The following TENM2 variants were observed in gnomAD, a reference collection of about 807,000 sequenced individuals.
TENM2 encodes teneurin-2.
Under a neutral mutation model 245.2 loss-of-function variants are expected in TENM2, and 52 were observed. The ratio of observed to expected loss-of-function variants is 0.21; its 90% CI spans 0.17 to 0.27. TENM2 has a LOEUF of 0.27. TENM2 is among the 10% of genes least tolerant of loss of function. The probability of loss-of-function intolerance (pLI) is 1.00; values close to 1 mark genes in which losing one functional copy is unlikely to be tolerated. For missense variants in TENM2, 3,046 were observed against 3,666.8 expected, an observed-to-expected ratio of 0.83 and a Z score of 4.37; for synonymous variants, 1,363 against 1,438.9, an observed-to-expected ratio of 0.95 and a Z score of 1.19.
intron 3 of TENM2, among the ~76,000 whole-genome samples, chr5:167,919,271 G>A (rs1167945720): frequency 6.6e-6 from 1 of 152,148 alleles, no homozygotes; most frequent in Non-Finnish European, 1.5e-5. Flanking sequence ...CGCCTACAGA[G>A]GTTGTGCTGT....
intron 2 of TENM2, among the ~76,000 whole-genome samples, chr5:167,400,670 C>T (rs1240436817): frequency 1.3e-5 from 2 of 152,078 alleles, no homozygotes; most frequent in Non-Finnish European, 1.5e-5. Flanking sequence ...GCCAAGGACA[C>T]GACCCTAGAA....
chr5:167,181,096 G>A, the TENM2 span, among the ~76,000 whole-genome samples: 208 of 151,990 alleles, frequency 1.4e-3, no homozygotes, highest in Middle Eastern at 3.4e-3. Flanking sequence ...AAGCAGAATA[G>A]CACAGAGATG....
At chr5:167,423,532 G>A (rs74941028) in intron 2 of TENM2, among the ~76,000 whole-genome samples, 11 of 152,300 alleles carry the variant, frequency 7.2e-5, no homozygotes, top group African/African-American at 1.2e-4. Context: ...TAGGGAAAGA[G>A]ACATTGAAGG....
Position 168,218,981 on chromosome 5 carries a change from G to A in TENM2, c.5090G>A (p.Gly1697Glu), listed in dbSNP as rs768600445. 1 of 1,613,352 alleles carries A rather than the reference G, an allele frequency of 6.2e-7. No homozygotes were observed. Among genetic ancestry groups the A allele is most frequent in the South Asian group, 1.1e-5 (1 of 91,044 alleles). ...CTGGCCACCAAGAGCGATGAAACAG[G>A]ATGGACGACTTTCTATGAGTAAGTG... The change falls in exon 23 of 29, where the codon GGA becomes GAA. Residue 1697 changes from glycine (G) to glutamate (E), a missense_variant. Gly to Glu is a moderately conservative substitution (Grantham distance 98, BLOSUM62 -2). Around this residue, in one of 2 missense-constraint regions of TENM2, gnomAD observed 2,704 missense variants for 3,331.9 expected, o/e 0.81. Transcript: ENST00000518659. This position sits in a 1 kb window ranked among gnomAD's most constrained non-coding sequence, Gnocchi z 5.2.
intron 2 of TENM2, among the ~76,000 whole-genome samples, chr5:167,832,735 A>C (rs1467794885): frequency 6.6e-6 from 1 of 152,066 alleles, no homozygotes; most frequent in Non-Finnish European, 1.5e-5. Flanking sequence ...AGAAGAAAGA[A>C]ATATATGTAG....
intron 2 of TENM2, among the ~76,000 whole-genome samples, chr5:167,713,912 A>G (rs1466748578): frequency 6.6e-6 from 1 of 152,324 alleles, no homozygotes; most frequent in Non-Finnish European, 1.5e-5. Context: ...ATCATTGTTC[A>G]GAATATGCTA....
the TENM2 span, among the ~76,000 whole-genome samples, chr5:167,254,067 C>T: frequency 4.0e-5 from 6 of 151,376 alleles, no homozygotes; most frequent in Non-Finnish European, 7.4e-5. Context: ...GCTTGGCTGA[C>T]GTATAGGAAA....
At chr5:167,901,226 A>G (rs911768188) in intron 3 of TENM2, among the ~76,000 whole-genome samples, 1 of 152,014 alleles carries the variant, frequency 6.6e-6, no homozygotes, top group Admixed American at 6.6e-5. Context: ...GTTTATCTTA[A>G]TAGGTCCTGA....
the TENM2 span, among the ~76,000 whole-genome samples, chr5:167,180,814 T>C: frequency 6.6e-6 from 1 of 151,942 alleles, no homozygotes; most frequent in Non-Finnish European, 1.5e-5. Flanking sequence ...TTCATCCTGG[T>C]CATCTTCAAG....
rs764906677 is a variant in TENM2 at position 168,226,134 on chromosome 5, G to T, written c.5155G>T (p.Val1719Leu). The stretch of plus-strand genomic sequence containing the variant: ...GACCAACGTGACGCGCCCCACGGGG[G>T]TGGTAACCAGTCTGCACCGGGAAAT... The change falls in exon 24 of 29, where the codon GTG (valine) becomes TTG (leucine). Residue 1719 changes from valine to leucine, a missense_variant. This residue lies in a region of TENM2 where 2,704 missense variants were observed against 3,331.9 expected (regional missense o/e 0.81). Coordinates refer to ENST00000518659, the Ensembl canonical transcript of TENM2. 6 of 1,613,774 alleles carry T rather than the reference G, an allele frequency of 3.7e-6. No individual in the cohort carries two copies. The East Asian group carries it at 6.7e-5, about 18-fold the overall frequency.
chr5:168,187,158 C>T (rs1471322496), intron 13 of TENM2: 1 of 152,152 alleles, frequency 6.6e-6, no homozygotes, highest in Non-Finnish European at 1.5e-5. Flanking sequence ...TGGCATTTGT[C>T]ATCTGCTATT....
At chr5:167,201,366 C>A in the TENM2 span, among the ~76,000 whole-genome samples, 1 of 152,196 alleles carries the variant, frequency 6.6e-6, no homozygotes, top group Non-Finnish European at 1.5e-5. Context: ...AGGAAAAGTC[C>A]AACTTTAATG....
At chr5:167,479,095 C>G (rs925239175) in intron 2 of TENM2, among the ~76,000 whole-genome samples, 6 of 152,012 alleles carry the variant, frequency 3.9e-5, no homozygotes, top group African/African-American at 1.2e-4. Flanking sequence ...TAGATATAAG[C>G]AGAAACAAAC....
chr5:167,921,864 C>A (rs762205000), intron 3 of TENM2, among the ~76,000 whole-genome samples: 2 of 152,022 alleles, frequency 1.3e-5, no homozygotes, highest in Non-Finnish European at 2.9e-5. Context: ...TAGTATTACC[C>A]CAACTTTACA....
Position 167,975,343 on chromosome 5 carries a change from T to G in TENM2, c.948-17601T>G, listed in dbSNP as rs1400732985. On this transcript the variant is annotated intron_variant, in intron 4 of 28. Transcript: ENST00000518659. ...GCCCAGCTTTCAGAACCTGCTGCCC[T>G]GGGACTTGTTTTGTGATAGGGATGC... 2.0e-5 allele frequency among the ~76,000 whole-genome samples: 3 copies of G among 152,232 alleles called. No individual in the cohort carries two copies. The East Asian group carries it at 5.8e-4, about 29-fold the overall frequency.
the TENM2 span, among the ~76,000 whole-genome samples, chr5:167,025,577 A>C: frequency 6.6e-6 from 1 of 152,220 alleles, no homozygotes; most frequent in African/African-American, 2.4e-5. Context: ...CCTGTTGGGC[A>C]GGGAAACACT....
intron 2 of TENM2, among the ~76,000 whole-genome samples, chr5:167,766,323 A>G (rs1763016841): frequency 6.6e-6 from 1 of 152,196 alleles, no homozygotes; most frequent in Admixed American, 6.5e-5. Flanking sequence ...TCTAGCACAA[A>G]ACAAGGGGAC....
the TENM2 span, among the ~76,000 whole-genome samples, chr5:167,039,066 A>G: frequency 6.6e-6 from 1 of 152,192 alleles, no homozygotes; most frequent in African/African-American, 2.4e-5. Context: ...ATCTTTATAT[A>G]TTGTGGGAGA....
At chr5:167,618,831 T>C (rs2127765504) in intron 2 of TENM2, among the ~76,000 whole-genome samples, 1 of 152,288 alleles carries the variant, frequency 6.6e-6, no homozygotes, top group East Asian at 1.9e-4. Flanking sequence ...TATAAATGTG[T>C]CTTATTTTCT....
Sources: allele counts gnomAD v4.1 joint callset (sites outside exome capture counted in the v4.1 genomes callset), GRCh38; gene constraint gnomAD v4.1.1; regional missense constraint gnomAD v4.1.1; non-coding constraint Gnocchi (gnomAD v3.1); transcripts MANE v1.5; gene names NCBI Gene and HGNC (gene_info 2026-07-23, HGNC 2026-07-21).